Variants in PKNOX2 observed in about 807,000 individuals in gnomAD.
PKNOX2 encodes the protein homeobox protein PKNOX2.
Under a neutral mutation model 53.1 loss-of-function variants are expected in PKNOX2, and 14 were observed. The ratio of observed to expected loss-of-function variants is 0.26; its 90% CI spans 0.17 to 0.41. PKNOX2 has a LOEUF of 0.41. Among genes scored for constraint, PKNOX2 ranks in the 10% least tolerant of loss-of-function variants. PKNOX2 has a pLI of 1.00. For missense variants in PKNOX2, 496 were observed against 602.8 expected (o/e 0.82, Z 1.85); for synonymous variants, 257 against 242.8 (o/e 1.06, Z -0.54).
At chr11:125,217,146 C>T (rs975699255) in intron 1 of PKNOX2, among the ~76,000 whole-genome samples, 1 of 152,114 alleles carries the variant, frequency 6.6e-6, no homozygotes, top group African/African-American at 2.4e-5. Flanking sequence ...CATGTGCACA[C>T]ACGACCCTCC....
intron 1 of PKNOX2, among the ~76,000 whole-genome samples, chr11:125,183,099 C>T (rs1240373043): frequency 6.6e-6 from 1 of 152,146 alleles, no homozygotes; most frequent in Non-Finnish European, 1.5e-5. Context: ...CCAGGCTTTC[C>T]CAGCTCCTAG....
chr11:125,205,051 CCCAGCA>C (rs1938922263), intron 1 of PKNOX2, among the ~76,000 whole-genome samples: 1 of 152,210 alleles, frequency 6.6e-6, no homozygotes, highest in Non-Finnish European at 1.5e-5. Flanking sequence ...AGTCCCAGAA[CCCAGCA>C]TCGTGCTGAG....
chr11:125,374,923 G>C (rs1050332681), intron 5 of PKNOX2, among the ~76,000 whole-genome samples: 1 of 136,250 alleles, frequency 7.3e-6, no homozygotes, highest in Non-Finnish European at 1.6e-5. Flanking sequence ...CCTCCTGCTA[G>C]TGCAAATGAC....
At chr11:125,276,482 G>T (rs1410663974) in intron 2 of PKNOX2, among the ~76,000 whole-genome samples, 1 of 152,176 alleles carries the variant, frequency 6.6e-6, no homozygotes, top group African/African-American at 2.4e-5. Flanking sequence ...GCCCAGTGAA[G>T]GTATTGACCT....
Position 125,390,887 on chromosome 11 carries a change from G to A in PKNOX2, c.399+5165G>A, listed in dbSNP as rs998367845. Among the ~76,000 whole-genome samples the A allele has an allele frequency of 5.9e-5, 9 of 152,236 alleles. No individual in the cohort carries two copies. In the East Asian group the frequency reaches 1.7e-3, roughly 29 times the overall value. On this transcript the variant is annotated intron_variant, in intron 6 of 12. Transcript: ENST00000298282. ...TGTTTTGTCCCCGAATCATCAGGCA[G>A]TTCTCCAATCACTGGTATTCACCTT...
At chr11:125,284,223 C>T (rs1034902963) in intron 2 of PKNOX2, among the ~76,000 whole-genome samples, 50 of 152,256 alleles carry the variant, frequency 3.3e-4, no homozygotes, top group Admixed American at 1.8e-3. Flanking sequence ...GCATACACCA[C>T]TGACTTCCCT....
chr11:125,320,865 A>G (rs73621066), intron 2 of PKNOX2, among the ~76,000 whole-genome samples: 3,327 of 152,266 alleles, frequency 0.022, 104 homozygotes, highest in African/African-American at 0.063. Context: ...CATGCTGGCA[A>G]CCACACAACC....
chr11:125,237,394 C>T (rs35459519), intron 2 of PKNOX2, among the ~76,000 whole-genome samples: 23,598 of 152,174 alleles, frequency 0.16, 1,899 homozygotes, highest in African/African-American at 0.17. Context: ...TTCTCCATCT[C>T]TCCAAGGAGT....
intron 3 of PKNOX2, among the ~76,000 whole-genome samples, chr11:125,333,203 C>T (rs531996120): frequency 6.6e-6 from 1 of 152,268 alleles, no homozygotes; most frequent in South Asian, 2.1e-4. Context: ...GGTTCTACAC[C>T]TGGTGAATCC....
rs538787205 is a variant in PKNOX2 at position 125,165,146 on chromosome 11, C to CCCGCCG, written c.-201+388_-201+393dup. Reference sequence around the variant, plus strand: ...CTCCCCTGCCCGGCCAGCGCTCAGCCCCGCCGCCGCCGCCGCCGCCGCCTC... The same window carrying CCCGCCG: ...CTCCCCTGCCCGGCCAGCGCTCAGCCCCGCCGCCGCCGCCGCCGCCGCCGCCGCCTC... On this transcript the variant is annotated intron_variant, in intron 1 of 12. Transcript: ENST00000298282. This position sits in a 1 kb window ranked among gnomAD's most constrained non-coding sequence, Gnocchi z 4.5. 6.1e-5 allele frequency among the ~76,000 whole-genome samples: 9 copies of CCCGCCG among 147,888 alleles called. No homozygotes were observed. The highest frequency in any genetic ancestry group is 1.7e-4 in the African/African-American group (7 of 41,036).
intron 1 of PKNOX2, among the ~76,000 whole-genome samples, chr11:125,189,427 G>GTATATATATA (rs1956679529): frequency 8.8e-5 from 3 of 34,228 alleles, no homozygotes; most frequent in Non-Finnish European, 1.7e-4. Context: ...GTGTGTGTGT[G>GTATATATATA]TGTGTGTGTG....
chr11:125,206,601 T>C (rs963372665), intron 1 of PKNOX2, among the ~76,000 whole-genome samples: 1 of 152,136 alleles, frequency 6.6e-6, no homozygotes, highest in Non-Finnish European at 1.5e-5. Flanking sequence ...CCAGGTGCCC[T>C]GCTTTGCTAC....
intron 10 of PKNOX2, among the ~76,000 whole-genome samples, chr11:125,423,946 A>T (rs1024969064): frequency 5.3e-5 from 8 of 152,210 alleles, no homozygotes; most frequent in African/African-American, 1.9e-4. Flanking sequence ...GATTAAAAGG[A>T]ACAATTACAG....
chr11:125,413,879 T>C (rs982226828), intron 10 of PKNOX2, among the ~76,000 whole-genome samples: 1 of 151,850 alleles, frequency 6.6e-6, no homozygotes, highest in Non-Finnish European at 1.5e-5. Context: ...CAGATTCCCC[T>C]GCCCAGGAGC....
chr11:125,300,547 G>T (rs955585269), intron 2 of PKNOX2, among the ~76,000 whole-genome samples: 2 of 152,130 alleles, frequency 1.3e-5, no homozygotes, highest in African/African-American at 4.8e-5. Context: ...AAGGAGGAAA[G>T]GTGTGTGCGT....
intron 7 of PKNOX2, among the ~76,000 whole-genome samples, chr11:125,400,690 C>A (rs1423241623): frequency 6.6e-6 from 1 of 152,152 alleles, no homozygotes; most frequent in African/African-American, 2.4e-5. Flanking sequence ...GGCTGCTCAC[C>A]CAGGAGGACT....
intron 1 of PKNOX2, among the ~76,000 whole-genome samples, chr11:125,222,621 G>GCA: frequency 6.8e-6 from 1 of 147,576 alleles, no homozygotes; most frequent in African/African-American, 2.5e-5. Context: ...GTATGTGTGT[G>GCA]TATGTGTGTG....
intron 3 of PKNOX2, among the ~76,000 whole-genome samples, chr11:125,339,200 G>A (rs1950562803): frequency 6.6e-6 from 1 of 152,212 alleles, no homozygotes; most frequent in African/African-American, 2.4e-5. Context: ...TCGCACTTCT[G>A]TTTAATAGCT....
intron 1 of PKNOX2, among the ~76,000 whole-genome samples, chr11:125,187,095 T>C (rs1425560932): frequency 6.6e-6 from 1 of 152,172 alleles, no homozygotes; most frequent in Non-Finnish European, 1.5e-5. Flanking sequence ...ACCAGTATCA[T>C]GTTGTTTTGA....
Sources: allele counts gnomAD v4.1 joint callset (sites outside exome capture counted in the v4.1 genomes callset), GRCh38; gene constraint gnomAD v4.1.1; non-coding constraint Gnocchi (gnomAD v3.1); transcripts MANE v1.5; gene names NCBI Gene and HGNC (gene_info 2026-07-23, HGNC 2026-07-21).